EPS8: variants seen among roughly 807,000 people sequenced by gnomAD.
The protein encoded by EPS8 is EGFR pathway substrate 8, signaling adaptor, also known as epidermal growth factor receptor kinase substrate 8.
EPS8 carries 42 observed loss-of-function variants against 103.8 expected under a neutral mutation model. That is an observed-to-expected ratio of 0.40 (90% CI 0.32 to 0.52). EPS8 has a LOEUF of 0.52. Ranked by LOEUF, EPS8 falls within the 20% of genes least tolerant of loss-of-function variation. The probability of loss-of-function intolerance (pLI) is 0.40; values close to 1 mark genes in which losing one functional copy is unlikely to be tolerated. For missense variants in EPS8, 969 were observed against 1,005.1 expected, an observed-to-expected ratio of 0.96 and a Z score of 0.49; for synonymous variants, 344 against 344.6, an observed-to-expected ratio of 1.00 and a Z score of 0.02.
intron 9 of EPS8, among the ~76,000 whole-genome samples, chr12:15,661,034 CAGTT>C (rs1945596551): frequency 6.6e-6 from 1 of 152,128 alleles, no homozygotes; most frequent in South Asian, 2.1e-4. Flanking sequence ...TTCTCCCACA[CAGTT>C]AGGAGGAAAA....
At chr12:15,629,619 A>C (rs1280481757) in intron 18 of EPS8, among the ~76,000 whole-genome samples, 10 of 152,202 alleles carry the variant, frequency 6.6e-5, no homozygotes, top group Non-Finnish European at 1.5e-4. Context: ...TCACGCACAC[A>C]GTTGTTTTTG....
intron 13 of EPS8, 109 bp from the exon 14 acceptor site, chr12:15,651,115 AAAC>A (rs1219790821): frequency 2.5e-5 from 20 of 798,688 alleles, no homozygotes; most frequent in Non-Finnish European, 3.6e-5. Flanking sequence ...CATAAATAAC[AAAC>A]AACAAAAACA....
intron 12 of EPS8, among the ~76,000 whole-genome samples, chr12:15,657,666 T>G (rs1945531757): frequency 6.6e-6 from 1 of 152,134 alleles, no homozygotes; most frequent in Admixed American, 6.6e-5. Context: ...AACACCTCGA[T>G]AAAAAGAACA....
chr12:15,688,019 GAAAC>G lies in EPS8; in HGVS notation c.-21-5051_-21-5048del, dbSNP rs1010927546. On this transcript the variant is annotated intron_variant, in intron 1 of 20. Transcript: ENST00000281172. This position sits in a 1 kb window ranked among gnomAD's most constrained non-coding sequence, Gnocchi z 5.1. Reference sequence around the variant, plus strand: ...TTCTCATTTTATAGATGAAGAAATTGAAACAAACAGACTGCCATTTGTGTGGTAT... The same window carrying G: ...TTCTCATTTTATAGATGAAGAAATTGAAACAGACTGCCATTTGTGTGGTAT... Among the ~76,000 whole-genome samples, 3 of 152,160 alleles carry G rather than the reference GAAAC, an allele frequency of 2.0e-5. No individual in the cohort carries two copies. The highest frequency in any genetic ancestry group is 1.9e-4 in the East Asian group (1 of 5,200).
In EPS8 at chr12:15,734,333, A is replaced by C. The variant is rs1054938621; in HGVS notation, c.-21-51361T>G. Among the ~76,000 whole-genome samples, 4 of 152,114 alleles carry C rather than the reference A, an allele frequency of 2.6e-5. No homozygotes were observed. The highest frequency in any genetic ancestry group is 9.7e-5 in the African/African-American group (4 of 41,416). Reference sequence around the variant, plus strand: ...AGTTTATTCAGAAACAACATATAAGATGGCCCTGTTTTACTACTGTTCCAG... The same window carrying C: ...AGTTTATTCAGAAACAACATATAAGCTGGCCCTGTTTTACTACTGTTCCAG... On this transcript the variant is annotated intron_variant, in intron 1 of 20. Transcript: ENST00000281172. The surrounding 1 kb of genome is among the most constrained non-coding windows in gnomAD (Gnocchi z 4.1).
rs551525319 is a variant in EPS8, at chr12:15,784,478, G to A, written c.-22+4683C>T. ...ACTAGAATGGGTAAAATCCAAAAAA[G>A]CTGACAAAATCAAATGCTAGCAAAG... On this transcript the variant is annotated intron_variant, in intron 1 of 20. Transcript: ENST00000281172. The surrounding 1 kb of genome is among the most constrained non-coding windows in gnomAD (Gnocchi z 4.0). Among the ~76,000 whole-genome samples, 6 of 152,158 alleles carry A rather than the reference G, an allele frequency of 3.9e-5. No homozygotes were observed. The highest frequency in any genetic ancestry group is 8.8e-5 in the Non-Finnish European group (6 of 67,932).
At chr12:15,655,150 T>C (rs1462736184) in intron 12 of EPS8, among the ~76,000 whole-genome samples, 1 of 152,130 alleles carries the variant, frequency 6.6e-6, no homozygotes, top group African/African-American at 2.4e-5. Flanking sequence ...TCTGTGTATT[T>C]GTACATGCTG....
rs1947150022 is a variant in EPS8 at position 15,771,145 on chromosome 12, G to A, written c.-22+18016C>T. 6.6e-6 allele frequency among the ~76,000 whole-genome samples: 1 copy of A among 152,140 alleles called. No individual in the cohort carries two copies. Among genetic ancestry groups the A allele is most frequent in the African/African-American group, 2.4e-5 (1 of 41,430 alleles). On this transcript the variant is annotated intron_variant, in intron 1 of 20. Transcript: ENST00000281172. The surrounding 1 kb of genome is among the most constrained non-coding windows in gnomAD (Gnocchi z 4.6). ...TTATTCTACAATGGCAGATAAAGTAGACCTTAACTGATGGATTCGATTTGT... is the reference window on the plus strand; with the variant it reads ...TTATTCTACAATGGCAGATAAAGTAAACCTTAACTGATGGATTCGATTTGT...
chr12:15,655,445 T>G (rs1259980843), intron 12 of EPS8, among the ~76,000 whole-genome samples: 2 of 152,044 alleles, frequency 1.3e-5, no homozygotes, highest in African/African-American at 4.8e-5. Context: ...CCTTGAGGAG[T>G]TGGACTAAGA....
In EPS8 at chr12:15,745,281, G is replaced by A. The variant is rs1471103947; in HGVS notation, c.-22+43880C>T. Among the ~76,000 whole-genome samples the A allele has an allele frequency of 1.3e-5, 2 of 152,154 alleles. No homozygotes were observed. Among genetic ancestry groups the A allele is most frequent in the Non-Finnish European group, 2.9e-5 (2 of 68,018 alleles). Reference sequence around the variant, plus strand: ...TATAGACTAAGTTCAGTAGATTTTAGTTTCCTCACCTGAAAAACAAAAGAA... The same window carrying A: ...TATAGACTAAGTTCAGTAGATTTTAATTTCCTCACCTGAAAAACAAAAGAA... On this transcript the variant is annotated intron_variant, in intron 1 of 20. Coordinates refer to ENST00000281172, the MANE Select transcript of EPS8 (RefSeq NM_004447.6). The surrounding 1 kb of genome is among the most constrained non-coding windows in gnomAD (Gnocchi z 4.6).
intron 8 of EPS8, among the ~76,000 whole-genome samples, chr12:15,663,920 CAAAAAAA>C (rs10590703): frequency 7.8e-4 from 7 of 9,018 alleles, no homozygotes; most frequent in Admixed American, 5.3e-3. Context: ...CACTCCATCT[CAAAAAAA>C]AAAAAAAAAA....
intron 12 of EPS8, among the ~76,000 whole-genome samples, chr12:15,656,588 C>T (rs1424149453): frequency 6.6e-6 from 1 of 152,116 alleles, no homozygotes; most frequent in African/African-American, 2.4e-5. Flanking sequence ...ATTTATCCTC[C>T]CTTACTGCCT....
chr12:15,725,280 G>A lies in EPS8; in HGVS notation c.-21-42308C>T, dbSNP rs1056180448. Among the ~76,000 whole-genome samples the A allele has an allele frequency of 6.6e-6, 1 of 151,944 alleles. No homozygotes were observed. The highest frequency in any genetic ancestry group is 1.5e-5 in the Non-Finnish European group (1 of 67,996). On this transcript the variant is annotated intron_variant, in intron 1 of 20. Transcript: ENST00000281172. The surrounding 1 kb of genome is among the most constrained non-coding windows in gnomAD (Gnocchi z 4.5). ...TGCTTTATCTCATACCACTAACTGTGTATCACCTGAAATCACCCTCAAGAG... is the reference window on the plus strand; with the variant it reads ...TGCTTTATCTCATACCACTAACTGTATATCACCTGAAATCACCCTCAAGAG...
chr12:15,681,647 A>G (rs1344820761), intron 2 of EPS8, among the ~76,000 whole-genome samples: 1 of 147,596 alleles, frequency 6.8e-6, no homozygotes, highest in Non-Finnish European at 1.5e-5. Context: ...GGAGAATCGC[A>G]TGAACCCGGG....
At chr12:15,627,760 A>G (rs1944973367) in intron 18 of EPS8, among the ~76,000 whole-genome samples, 1 of 152,224 alleles carries the variant, frequency 6.6e-6, no homozygotes, top group Admixed American at 6.5e-5. Flanking sequence ...AAAGGCATAA[A>G]AGTACAGGAA....
chr12:15,712,932 C>A, intron 1 of EPS8: 1 of 985,280 alleles, frequency 1.0e-6, no homozygotes, highest in Non-Finnish European at 1.2e-6. Flanking sequence ...TACTTATGTG[C>A]CAAGTGACCT....
In EPS8 at chr12:15,701,119, CT is replaced by C. The variant is rs1565507472; in HGVS notation, c.-21-18148del. On this transcript the variant is annotated intron_variant, in intron 1 of 20. Transcript: ENST00000281172. This position sits in a 1 kb window ranked among gnomAD's most constrained non-coding sequence, Gnocchi z 5.1. The stretch of plus-strand genomic sequence containing the variant: ...AATATCTTTGGCTTCAAAATAGTCA[CT>C]TTTTTAAAAGGTAATTCTTTTCTCT... Among the ~76,000 whole-genome samples the C allele has an allele frequency of 1.3e-5, 2 of 152,160 alleles. No individual in the cohort carries two copies. The highest frequency in any genetic ancestry group is 4.1e-4 in the South Asian group (2 of 4,832).
intron 17 of EPS8, among the ~76,000 whole-genome samples, chr12:15,632,315 G>A (rs747594262): frequency 5.9e-5 from 9 of 152,040 alleles, no homozygotes; most frequent in African/African-American, 2.2e-4. Context: ...GGGACCTGTG[G>A]CCATTTGTAT....
chr12:15,720,251 T>A (rs1946580134), intron 1 of EPS8, among the ~76,000 whole-genome samples: 2 of 152,062 alleles, frequency 1.3e-5, no homozygotes, highest in Admixed American at 1.3e-4. Context: ...CACATCTGAG[T>A]TTTCTAAGTA....
Sources: gnomAD v4.1 joint callset for allele counts (sites outside exome capture counted in the v4.1 genomes callset) on GRCh38, gnomAD v4.1.1 for gene constraint, Gnocchi (gnomAD v3.1) non-coding constraint, MANE v1.5 for transcripts, NCBI Gene and HGNC (gene_info 2026-07-23, HGNC 2026-07-21) for gene names.